The following BCL2 variants were observed in gnomAD, a reference collection of about 807,000 sequenced individuals.
The protein encoded by BCL2 is apoptosis regulator Bcl-2.
A neutral mutation model predicts 14.2 loss-of-function variants in BCL2; 1 was observed. That is an observed-to-expected ratio of 0.07 (90% CI 0.02 to 0.33). The LOEUF (loss-of-function observed/expected upper bound fraction) is 0.33, where lower values mean the gene tolerates loss of function less well. BCL2 is among the 10% of genes least tolerant of loss of function. The pLI is 0.99. For missense variants in BCL2, 247 were observed against 305.9 expected (o/e 0.81, Z 1.44); for synonymous variants, 151 against 137.2 (o/e 1.10, Z -0.70).
At chr18:63,290,066 A>C (rs1342456379) in intron 2 of BCL2, among the ~76,000 whole-genome samples, 1 of 152,174 alleles carries the variant, frequency 6.6e-6, no homozygotes. Context: ...TGCTGGGCTC[A>C]AAAACCTGAG....
At chr18:63,310,859 C>T (rs1913295637) in intron 2 of BCL2, among the ~76,000 whole-genome samples, 1 of 152,122 alleles carries the variant, frequency 6.6e-6, no homozygotes, top group Non-Finnish European at 1.5e-5. Context: ...GTGGCTTTGT[C>T]TCCCTGTTCT....
At chr18:63,242,737 G>C (rs1451362436) in intron 2 of BCL2, among the ~76,000 whole-genome samples, 1 of 152,212 alleles carries the variant, frequency 6.6e-6, no homozygotes, top group Non-Finnish European at 1.5e-5. Flanking sequence ...GAAGTGGTAT[G>C]ATTTATACCA....
At chr18:63,263,580 G>A (rs958892716) in intron 2 of BCL2, among the ~76,000 whole-genome samples, 12 of 152,116 alleles carry the variant, frequency 7.9e-5, no homozygotes, top group Admixed American at 3.9e-4. Context: ...TGTTTCTCCC[G>A]TTTCTAGTTC....
chr18:63,190,226 C>A (rs976700351), intron 2 of BCL2, among the ~76,000 whole-genome samples: 1 of 152,066 alleles, frequency 6.6e-6, no homozygotes, highest in Non-Finnish European at 1.5e-5. Flanking sequence ...TTGAATCCAC[C>A]CTAAATAATA....
chr18:63,276,409 A>G (rs1211544197), intron 2 of BCL2, among the ~76,000 whole-genome samples: 1 of 152,206 alleles, frequency 6.6e-6, no homozygotes, highest in Admixed American at 6.5e-5. Context: ...GGGAGTCATT[A>G]GTGGCATTTA....
In BCL2 at chr18:63,149,434, C is replaced by T. The variant is rs1914591842; in HGVS notation, c.586-20675G>A. On this transcript the variant is annotated intron_variant, in intron 2 of 2. Transcript: ENST00000333681. The surrounding 1 kb of genome is among the most constrained non-coding windows in gnomAD (Gnocchi z 4.2). ...GGCCCTGTTCCTAACAGGCCACAGA[C>T]CCATACCGGTCCCGGGCTATATGTA... is the stretch of plus-strand genomic sequence containing the variant. Among the ~76,000 whole-genome samples the T allele has an allele frequency of 1.3e-5, 2 of 152,210 alleles. No individual in the cohort carries two copies. Among genetic ancestry groups the T allele is most frequent in the South Asian group, 2.1e-4 (1 of 4,830 alleles).
At chr18:63,154,769 G>A (rs1221874992) in intron 2 of BCL2, among the ~76,000 whole-genome samples, 3 of 152,134 alleles carry the variant, frequency 2.0e-5, no homozygotes, top group Non-Finnish European at 4.4e-5. Flanking sequence ...CTCCTTGGGG[G>A]CACTGGCTAC....
At chr18:63,153,485 C>G (rs1914700745) in intron 2 of BCL2, among the ~76,000 whole-genome samples, 2 of 152,158 alleles carry the variant, frequency 1.3e-5, no homozygotes, top group Admixed American at 1.3e-4. Context: ...ACTTTTGAAG[C>G]CAGTTAAGCT....
intron 2 of BCL2, among the ~76,000 whole-genome samples, chr18:63,171,596 C>T (rs185095409): frequency 1.3e-3 from 196 of 152,328 alleles, no homozygotes; most frequent in African/African-American, 4.5e-3. Context: ...ACTCACAAAA[C>T]AGCTATATGA....
At chr18:63,312,622 G>A (rs1913365393) in intron 2 of BCL2, among the ~76,000 whole-genome samples, 1 of 152,214 alleles carries the variant, frequency 6.6e-6, no homozygotes, top group African/African-American at 2.4e-5. Context: ...CATCGTAGAA[G>A]TGTCTTGATA....
In BCL2 at chr18:63,280,150, A is replaced by T. The variant is rs546286651; in HGVS notation, c.585+37932T>A. 5.1e-4 allele frequency among the ~76,000 whole-genome samples: 78 copies of T among 152,350 alleles called. 1 individual carries two copies. The highest frequency in any genetic ancestry group is 1.2e-3 in the Admixed American group (19 of 15,306). Reference sequence around the variant, plus strand: ...TTTTTTAAATGAAGGAAAATCATAAATCAAAAAGATAGAAGAGTATCCATG... The same window carrying T: ...TTTTTTAAATGAAGGAAAATCATAATTCAAAAAGATAGAAGAGTATCCATG... On this transcript the variant is annotated intron_variant, in intron 2 of 2. Transcript: ENST00000333681.
At chr18:63,132,034 CA>C (rs1298921984) in intron 2 of BCL2, among the ~76,000 whole-genome samples, 1 of 152,206 alleles carries the variant, frequency 6.6e-6, no homozygotes, top group Non-Finnish European at 1.5e-5. Flanking sequence ...TTACGTAGAA[CA>C]ATGTCATTTC....
intron 2 of BCL2, among the ~76,000 whole-genome samples, chr18:63,212,929 G>A (rs1467476639): frequency 2.6e-5 from 4 of 152,296 alleles, no homozygotes; most frequent in Admixed American, 2.0e-4. Context: ...AAGTAGGAAA[G>A]AGACTGCAGG....
At chr18:63,266,084 A>G (rs1050409405) in intron 2 of BCL2, among the ~76,000 whole-genome samples, 1 of 152,028 alleles carries the variant, frequency 6.6e-6, no homozygotes, top group Admixed American at 6.6e-5. Context: ...CTGCAGATCA[A>G]CTCGTATGTG....
intron 2 of BCL2, among the ~76,000 whole-genome samples, chr18:63,213,285 A>G (rs1568235836): frequency 1.3e-5 from 2 of 152,212 alleles, no homozygotes; most frequent in African/African-American, 4.8e-5. Context: ...CACCAGCATC[A>G]CGTGCTTAAT....
chr18:63,157,902 A>C (rs1914823800), intron 2 of BCL2, among the ~76,000 whole-genome samples: 1 of 152,174 alleles, frequency 6.6e-6, no homozygotes, highest in South Asian at 2.1e-4. Flanking sequence ...TCTGGATCTG[A>C]GAAAACTTTT....
chr18:63,302,664 T>C, intron 2 of BCL2: 1 of 984,930 alleles, frequency 1.0e-6, no homozygotes, highest in Non-Finnish European at 1.2e-6. Flanking sequence ...ATTCAACCTA[T>C]ATATGTTTCA....
At chr18:63,314,742 G>C (rs189099871) in intron 2 of BCL2, 22 of 152,312 alleles carry the variant, frequency 1.4e-4, no homozygotes, top group Admixed American at 7.8e-4. Context: ...TGTGTTATGA[G>C]GGGATAAAAT....
intron 2 of BCL2, among the ~76,000 whole-genome samples, chr18:63,261,243 T>C (rs1046891449): frequency 3.9e-5 from 6 of 152,052 alleles, no homozygotes; most frequent in African/African-American, 1.4e-4. Context: ...TTCCCTTTGG[T>C]GAACTAGTTT....
Sources: allele counts gnomAD v4.1 joint callset (sites outside exome capture counted in the v4.1 genomes callset), GRCh38; gene constraint gnomAD v4.1.1; non-coding constraint Gnocchi (gnomAD v3.1); transcripts MANE v1.5; gene names NCBI Gene and HGNC (gene_info 2026-07-23, HGNC 2026-07-21).